SCFD2: variants seen among roughly 807,000 people sequenced by gnomAD.
The protein encoded by SCFD2 is sec1 family domain containing 2, also known as sec1 family domain-containing protein 2.
SCFD2 carries 54 observed loss-of-function variants against 58.9 expected under a neutral mutation model. The ratio of observed to expected loss-of-function variants is 0.92; its 90% CI spans 0.74 to 1.15. SCFD2 has a LOEUF of 1.15. SCFD2 is among the 50% of genes most tolerant of loss of function. The pLI is 0.00. For synonymous variants in SCFD2, 321 were observed against 335.9 expected, an observed-to-expected ratio of 0.96 and a Z score of 0.49; for missense variants, 805 against 836.6, an observed-to-expected ratio of 0.96 and a Z score of 0.47.
intron 2 of SCFD2, among the ~76,000 whole-genome samples, chr4:53,336,022 GA>G (rs1733672936): frequency 1.3e-5 from 2 of 152,138 alleles, no homozygotes; most frequent in Admixed American, 6.5e-5. Context: ...AAAGCACGGG[GA>G]TCCCTGAAAC....
At chr4:53,034,263 A>G (rs1463725873) in intron 5 of SCFD2, among the ~76,000 whole-genome samples, 1 of 152,196 alleles carries the variant, frequency 6.6e-6, no homozygotes, top group Non-Finnish European at 1.5e-5. Context: ...GCCTTCAACA[A>G]AATTCAACAC....
At chr4:53,213,555 T>A (rs181332610) in intron 4 of SCFD2, among the ~76,000 whole-genome samples, 1 of 152,130 alleles carries the variant, frequency 6.6e-6, no homozygotes, top group Admixed American at 6.5e-5. Context: ...AATTCAGGAA[T>A]TAAGATGTGC....
intron 5 of SCFD2, among the ~76,000 whole-genome samples, chr4:53,067,787 A>T (rs1276404918): frequency 6.6e-6 from 1 of 152,070 alleles, no homozygotes; most frequent in African/African-American, 2.4e-5. Context: ...GCATGAGAAC[A>T]GACTAATACA....
intron 2 of SCFD2, among the ~76,000 whole-genome samples, chr4:53,332,483 C>G (rs1428286937): frequency 6.6e-6 from 1 of 151,940 alleles, no homozygotes; most frequent in Non-Finnish European, 1.5e-5. Context: ...ATAAACAGAA[C>G]CAAAGAAAAA....
chr4:53,242,289 C>T (rs1384662504), intron 4 of SCFD2, among the ~76,000 whole-genome samples: 1 of 152,198 alleles, frequency 6.6e-6, no homozygotes, highest in Admixed American at 6.5e-5. Context: ...CGGTTCCTAA[C>T]CTTGAGGAGC....
intron 5 of SCFD2, among the ~76,000 whole-genome samples, chr4:52,965,876 T>C (rs1288743691): frequency 6.6e-6 from 1 of 152,224 alleles, no homozygotes; most frequent in Admixed American, 6.5e-5. Flanking sequence ...AACTTGACTC[T>C]GGTGTCTGCA....
intron 4 of SCFD2, among the ~76,000 whole-genome samples, chr4:53,243,878 TTTG>T (rs1263525931): frequency 6.6e-6 from 1 of 152,088 alleles, no homozygotes; most frequent in Non-Finnish European, 1.5e-5. Context: ...CATTTGTTTG[TTTG>T]TTTTTGGTAT....
chr4:52,888,011 C>T (rs898507473), intron 7 of SCFD2, among the ~76,000 whole-genome samples: 7 of 148,586 alleles, frequency 4.7e-5, no homozygotes, highest in Admixed American at 1.3e-4. Context: ...CCCGGGTTCA[C>T]GCCATTCTCC....
At chr4:53,151,977 C>T (rs1279154535) in intron 4 of SCFD2, among the ~76,000 whole-genome samples, 1 of 152,178 alleles carries the variant, frequency 6.6e-6, no homozygotes, top group Non-Finnish European at 1.5e-5. Context: ...AGCAAGAACT[C>T]ACTTGTTACG....
At chr4:53,113,674 G>T (rs1449872876) in intron 5 of SCFD2, among the ~76,000 whole-genome samples, 1 of 151,976 alleles carries the variant, frequency 6.6e-6, no homozygotes, top group Non-Finnish European at 1.5e-5. Flanking sequence ...CTAGAATGTA[G>T]CCTCCACCAG....
intron 4 of SCFD2, among the ~76,000 whole-genome samples, chr4:53,263,865 T>C (rs756060537): frequency 8.5e-5 from 13 of 152,256 alleles, no homozygotes; most frequent in Non-Finnish European, 1.9e-4. Flanking sequence ...CCCCAAGAGA[T>C]TATATCCTTT....
intron 2 of SCFD2, among the ~76,000 whole-genome samples, chr4:53,325,262 G>C (rs113412723): frequency 0.021 from 3,214 of 150,756 alleles, 48 homozygotes; most frequent in Non-Finnish European, 0.032. Context: ...TGCCTTTCTA[G>C]GGGGCACAGA....
At position 53,365,375 on chromosome 4, in the gene SCFD2, G is replaced by A; in HGVS notation, c.567C>T (p.Ser189=). ...CCAGCTTCCTCTTGTCCGGTCGGGCGCTATTAAGGAGGTGCACATCCTGGG... is the reference window on the plus strand; with the variant it reads ...CCAGCTTCCTCTTGTCCGGTCGGGCACTATTAAGGAGGTGCACATCCTGGG... ...LLPQDVHLLN[S]ARPDKRKLGS... Residue 189 remains serine, a synonymous_variant, in exon 1 of 9, where the codon AGC becomes AGT. Coordinates refer to ENST00000401642, the MANE Select transcript of SCFD2 (RefSeq NM_152540.4). This position sits in a 1 kb window ranked among gnomAD's most constrained non-coding sequence, Gnocchi z 4.3. The A allele has an allele frequency of 6.2e-7, 1 of 1,614,176 alleles. No homozygotes were observed. The highest frequency in any genetic ancestry group is 8.5e-7 in the Non-Finnish European group (1 of 1,180,024).
At chr4:52,931,860 C>A (rs1373407387) in intron 5 of SCFD2, among the ~76,000 whole-genome samples, 1 of 152,150 alleles carries the variant, frequency 6.6e-6, no homozygotes, top group Non-Finnish European at 1.5e-5. Flanking sequence ...GCAACAAGTC[C>A]CGTACCTTCT....
At chr4:52,950,471 C>T (rs1720560352) in intron 5 of SCFD2, 1 of 152,206 alleles carries the variant, frequency 6.6e-6, no homozygotes, top group African/African-American at 2.4e-5. Context: ...AATGCTCAGA[C>T]ATGTTTGTAG....
At position 53,344,352 on chromosome 4, in the gene SCFD2, G is replaced by A. The variant is rs540829577; in HGVS notation, c.1007+8246C>T. On this transcript the variant is annotated intron_variant, in intron 2 of 8. Coordinates refer to ENST00000401642, the MANE Select transcript of SCFD2 (RefSeq NM_152540.4). ...CATGAGTGAACTCCCATTCACAATT[G>A]CTACAAAGAGAATAAAATACCTAGG... Among the ~76,000 whole-genome samples the A allele has an allele frequency of 2.0e-5, 3 of 152,202 alleles. No individual in the cohort carries two copies. In the East Asian group the frequency reaches 5.8e-4, roughly 29 times the overall value.
At chr4:53,064,507 A>G (rs1723602337) in intron 5 of SCFD2, among the ~76,000 whole-genome samples, 1 of 152,102 alleles carries the variant, frequency 6.6e-6, no homozygotes, top group Non-Finnish European at 1.5e-5. Flanking sequence ...TTTCAAAACT[A>G]CAGGCAGCAT....
chr4:53,353,201 G>C (rs536134945), intron 1 of SCFD2, among the ~76,000 whole-genome samples: 2 of 152,204 alleles, frequency 1.3e-5, no homozygotes, highest in Admixed American at 1.3e-4. Flanking sequence ...GGCTTCAGGA[G>C]TGAAGCTGCA....
intron 4 of SCFD2, among the ~76,000 whole-genome samples, chr4:53,206,975 C>T (rs1017023206): frequency 1.3e-5 from 2 of 151,886 alleles, no homozygotes; most frequent in Non-Finnish European, 2.9e-5. Flanking sequence ...CTGAGAAGTC[C>T]AAGAGCATGG....
Sources: allele counts gnomAD v4.1 joint callset (sites outside exome capture counted in the v4.1 genomes callset), GRCh38; gene constraint gnomAD v4.1.1; non-coding constraint Gnocchi (gnomAD v3.1); transcripts MANE v1.5; gene names NCBI Gene and HGNC (gene_info 2026-07-23, HGNC 2026-07-21).